MALRD1: variants seen among roughly 807,000 people sequenced by gnomAD.
MALRD1 encodes MAM and LDL receptor class A domain containing 1, also known as MAM and LDL-receptor class A domain-containing protein 1.
A neutral mutation model predicts 242.1 loss-of-function variants in MALRD1; 247 were observed. That is an observed-to-expected ratio of 1.02 (90% CI 0.92 to 1.13). The LOEUF (loss-of-function observed/expected upper bound fraction) is 1.13. Among genes scored for constraint, MALRD1 ranks in the 50% most tolerant of loss-of-function variants. The probability of loss-of-function intolerance (pLI) is 0.00; values close to 1 mark genes in which losing one functional copy is unlikely to be tolerated. For synonymous variants in MALRD1, 995 were observed against 866.6 expected (o/e 1.15, Z -2.60); for missense variants, 2,989 against 2,533.1 (o/e 1.18, Z -3.86).
At chr10:19,524,052 G>C (rs1187471133) in intron 31 of MALRD1, among the ~76,000 whole-genome samples, 1 of 152,128 alleles carries the variant, frequency 6.6e-6, no homozygotes, top group African/African-American at 2.4e-5. Context: ...TGTAATGACA[G>C]ACATTTTTAT....
chr10:19,179,993 A>G (rs1391859881), intron 14 of MALRD1, among the ~76,000 whole-genome samples: 2 of 152,228 alleles, frequency 1.3e-5, no homozygotes, highest in East Asian at 1.9e-4. Context: ...AAGAAAAAAA[A>G]AGAAGGTTGT....
intron 39 of MALRD1, 64 bp downstream of exon 39, chr10:19,730,845 C>A: frequency 1.5e-6 from 2 of 1,371,838 alleles, no homozygotes; most frequent in Non-Finnish European, 1.0e-6. Context: ...CACACACACA[C>A]ACACAGGCTG....
intron 38 of MALRD1, among the ~76,000 whole-genome samples, chr10:19,714,702 A>G (rs1490982727): frequency 6.6e-6 from 1 of 152,158 alleles, no homozygotes; most frequent in Admixed American, 6.5e-5. Context: ...CTGCAGGGCT[A>G]GGAGAAGAGA....
chr10:19,580,913 C>A (rs988192144), intron 33 of MALRD1, among the ~76,000 whole-genome samples: 1 of 152,058 alleles, frequency 6.6e-6, no homozygotes, highest in African/African-American at 2.4e-5. Flanking sequence ...TGCCAGGACT[C>A]TCTGAGTCTT....
chr10:19,561,448 C>A (rs1835957726), intron 32 of MALRD1, among the ~76,000 whole-genome samples: 1 of 152,156 alleles, frequency 6.6e-6, no homozygotes, highest in Non-Finnish European at 1.5e-5. Context: ...ATAGTAAATT[C>A]ATTAGTAAAT....
At chr10:19,643,066 A>G (rs1027069373) in intron 36 of MALRD1, among the ~76,000 whole-genome samples, 3 of 152,154 alleles carry the variant, frequency 2.0e-5, no homozygotes, top group South Asian at 4.1e-4. Flanking sequence ...TTGTCTTCAT[A>G]TCTCTTTTTT....
At chr10:19,544,932 G>A (rs1028614032) in intron 32 of MALRD1, among the ~76,000 whole-genome samples, 1 of 152,100 alleles carries the variant, frequency 6.6e-6, no homozygotes, top group Non-Finnish European at 1.5e-5. Flanking sequence ...TACTATATTG[G>A]ATTCTTTTTG....
intron 38 of MALRD1, among the ~76,000 whole-genome samples, chr10:19,701,549 C>T (rs73595897): frequency 0.05 from 7,676 of 152,080 alleles, 554 homozygotes; most frequent in African/African-American, 0.16. Context: ...AGCAGAGGGA[C>T]AGTCAGGTAC....
intron 28 of MALRD1, among the ~76,000 whole-genome samples, chr10:19,426,257 G>A (rs758113795): frequency 6.6e-6 from 1 of 152,092 alleles, no homozygotes; most frequent in Non-Finnish European, 1.5e-5. Context: ...GTTAAAACAT[G>A]TCAAATAAAT....
At chr10:19,064,941 C>T (rs1590378328) in intron 1 of MALRD1, among the ~76,000 whole-genome samples, 1 of 151,884 alleles carries the variant, frequency 6.6e-6, no homozygotes, top group Non-Finnish European at 1.5e-5. Context: ...TTGTTATTTA[C>T]GTGCAAATTA....
At chr10:19,584,009 T>C (rs978508834) in intron 33 of MALRD1, among the ~76,000 whole-genome samples, 58 of 152,150 alleles carry the variant, frequency 3.8e-4, no homozygotes, top group Non-Finnish European at 7.1e-4. Flanking sequence ...AGTTTATTTG[T>C]GTAGAGGCGT....
chr10:19,152,708 A>G (rs1346571939), intron 11 of MALRD1, among the ~76,000 whole-genome samples: 2 of 152,264 alleles, frequency 1.3e-5, no homozygotes, highest in Non-Finnish European at 2.9e-5. Flanking sequence ...AAATGATACT[A>G]TAATTATAAA....
chr10:19,105,553 G>T (rs1290440557), intron 5 of MALRD1, among the ~76,000 whole-genome samples: 1 of 151,982 alleles, frequency 6.6e-6, no homozygotes, highest in African/African-American at 2.4e-5. Flanking sequence ...ATACTCAGAA[G>T]TGGGATTGCT....
chr10:19,134,353 CA>C, intron 9 of MALRD1, among the ~76,000 whole-genome samples: 1 of 152,196 alleles, frequency 6.6e-6, no homozygotes, highest in South Asian at 2.1e-4. Flanking sequence ...CTATGTACAC[CA>C]AGAAACATAT....
Position 19,607,788 on chromosome 10 carries a change from T to G in MALRD1, c.5956T>G (p.Cys1986Gly). 6.5e-7 allele frequency: 1 copy of G among 1,548,684 alleles called. No individual in the cohort carries two copies. The highest frequency in any genetic ancestry group is 8.7e-7 in the Non-Finnish European group (1 of 1,146,052). Residue 1986 changes from cysteine to glycine, a missense_variant, in exon 35 of 40, where the codon TGT becomes GGT. Coordinates refer to ENST00000454679, the MANE Select transcript of MALRD1 (RefSeq NM_001142308.3). Reference sequence around the variant, plus strand: ...TTTTTTTTTTGCAGCCAACAAAAGCTGTTCTAATGGAGCTCTGGTGTGTGC... The same window carrying G: ...TTTTTTTTTTGCAGCCAACAAAAGCGGTTCTAATGGAGCTCTGGTGTGTGC... ...EDELICSNKS[C>G]SNGALVCASS...
intron 26 of MALRD1, among the ~76,000 whole-genome samples, chr10:19,369,392 A>C (rs1845266919): frequency 1.6e-5 from 1 of 61,962 alleles, no homozygotes; most frequent in Admixed American, 1.4e-4. Flanking sequence ...AAATATATTT[A>C]TATATAAATG....
chr10:19,381,559 G>A (rs1845838323), intron 26 of MALRD1, among the ~76,000 whole-genome samples: 1 of 151,856 alleles, frequency 6.6e-6, no homozygotes. Flanking sequence ...CAGGCACGGT[G>A]GCTCACGCTT....
chr10:19,068,842 C>T (rs1475186322), intron 2 of MALRD1, among the ~76,000 whole-genome samples: 1 of 152,002 alleles, frequency 6.6e-6, no homozygotes, highest in Admixed American at 6.6e-5. Context: ...ATTATGTAAC[C>T]AATGCCTTGA....
At chr10:19,688,111 A>G (rs1842669000) in intron 36 of MALRD1, among the ~76,000 whole-genome samples, 1 of 152,082 alleles carries the variant, frequency 6.6e-6, no homozygotes, top group South Asian at 2.1e-4. Context: ...CTGGGATTAC[A>G]GGCACCCGCC....
Sources: gnomAD v4.1 joint callset for allele counts (sites outside exome capture counted in the v4.1 genomes callset) on GRCh38, gnomAD v4.1.1 for gene constraint, MANE v1.5 for transcripts, NCBI Gene and HGNC (gene_info 2026-07-23, HGNC 2026-07-21) for gene names.